EVC: variants seen among roughly 807,000 people sequenced by gnomAD.
The protein encoded by EVC is EvC ciliary complex subunit 1.
A neutral mutation model predicts 118.9 loss-of-function variants in EVC; 116 were observed. The observed-to-expected ratio is 0.98, with a 90% CI of 0.84 to 1.14. The LOEUF (loss-of-function observed/expected upper bound fraction) is 1.14. EVC is among the 50% of genes most tolerant of loss of function. The probability of loss-of-function intolerance (pLI) is 0.00; values close to 1 mark genes in which losing one functional copy is unlikely to be tolerated. For synonymous variants in EVC, 619 were observed against 534.7 expected (o/e 1.16, Z -2.18); for missense variants, 1,401 against 1,246.4 (o/e 1.12, Z -1.87).
chr4:5,778,058 A>G (rs1734984349), intron 11 of EVC, among the ~76,000 whole-genome samples: 1 of 141,806 alleles, frequency 7.1e-6, no homozygotes, highest in African/African-American at 2.7e-5. Context: ...CTCATTGTTC[A>G]TTTCCCACCT....
chr4:5,727,713 G>A (rs1304988147), intron 2 of EVC, among the ~76,000 whole-genome samples: 8 of 151,926 alleles, frequency 5.3e-5, no homozygotes, highest in East Asian at 3.9e-4. Context: ...TAGGTCTAAC[G>A]TTTAAGTCTT....
chr4:5,819,560 C>T, the EVC span, among the ~76,000 whole-genome samples: 1 of 152,172 alleles, frequency 6.6e-6, no homozygotes, highest in Non-Finnish European at 1.5e-5. Flanking sequence ...CAGTGGCTCC[C>T]ATGACCTGGG....
chr4:5,825,799 ACAC>A, the EVC span: 1 of 774,054 alleles, frequency 1.3e-6, no homozygotes, highest in Non-Finnish European at 2.1e-6. The surrounding 1 kb of genome is among the most constrained non-coding windows in gnomAD (Gnocchi z 4.4). Flanking sequence ...CAACACGCAC[ACAC>A]GACAGGTGCA....
rs769518492 is a variant in EVC, at chr4:5,789,810, C to A, written c.1777-3798C>A. ...TATCGATCATCATCGAATCCTGTTGCTAGTTTAAGCTGCATTCTCAAAACA... is the reference window on the plus strand; with the variant it reads ...TATCGATCATCATCGAATCCTGTTGATAGTTTAAGCTGCATTCTCAAAACA... On this transcript the variant is annotated intron_variant, in intron 12 of 20. Coordinates refer to ENST00000264956, the MANE Select transcript of EVC (RefSeq NM_153717.3). This position sits in a 1 kb window ranked among gnomAD's most constrained non-coding sequence, Gnocchi z 4.3. Among the ~76,000 whole-genome samples the A allele has an allele frequency of 6.6e-6, 1 of 152,174 alleles. No individual in the cohort carries two copies. Among genetic ancestry groups the A allele is most frequent in the Non-Finnish European group, 1.5e-5 (1 of 68,020 alleles).
At chr4:5,736,439 C>T (rs891941081) in intron 5 of EVC, among the ~76,000 whole-genome samples, 1 of 151,740 alleles carries the variant, frequency 6.6e-6, no homozygotes, top group African/African-American at 2.4e-5. Context: ...GGGAGGAGCA[C>T]ACAGCACTTT....
intron 8 of EVC, among the ~76,000 whole-genome samples, chr4:5,748,583 CCCAT>C (rs1282932713): frequency 1.2e-5 from 1 of 80,932 alleles, no homozygotes; most frequent in African/African-American, 5.4e-5. Flanking sequence ...CATCCATCCA[CCCAT>C]CCATCCATCC....
rs775840415 is a variant in EVC, at chr4:5,719,295, G to C, written c.222G>C (p.Gln74His). ...NLLKNLESNA[Q>H]TPSETGSPSR... ...TCAAGAATTTGGAGTCTAATGCGCA[G>C]ACCCCCTCGGAAACTGGCTCCCCAT... The change falls in exon 2 of 21, where the codon CAG becomes CAC. Residue 74 changes from glutamine (Q) to histidine (H), a missense_variant. Transcript: ENST00000264956. The surrounding 1 kb of genome is among the most constrained non-coding windows in gnomAD (Gnocchi z 4.7). The C allele has an allele frequency of 1.2e-6, 2 of 1,614,078 alleles. No individual in the cohort carries two copies. Among genetic ancestry groups the C allele is most frequent in the African/African-American group, 2.7e-5 (2 of 74,924 alleles).
intron 17 of EVC, among the ~76,000 whole-genome samples, chr4:5,807,447 T>C (rs1342372274): frequency 6.6e-6 from 1 of 152,218 alleles, no homozygotes; most frequent in Non-Finnish European, 1.5e-5. Flanking sequence ...AAGGTGGCCC[T>C]GACTTCAGGT....
chr4:5,776,158 C>T (rs1041546698), intron 11 of EVC, among the ~76,000 whole-genome samples: 2 of 151,822 alleles, frequency 1.3e-5, no homozygotes, highest in African/African-American at 4.8e-5. Flanking sequence ...TATTTTTCTC[C>T]TTTATTCTGT....
chr4:5,756,234 T>C lies in EVC; in HGVS notation c.1465-30T>C, dbSNP rs759005092. 8.6e-6 allele frequency: 13 copies of C among 1,519,722 alleles called. No individual in the cohort carries two copies. The highest frequency in any genetic ancestry group is 4.5e-5 in the East Asian group (2 of 44,100). 94.1% of individuals were successfully genotyped at this position (1,519,722 alleles called of 1,614,324 possible). On this transcript the variant is annotated intron_variant, in intron 10 of 20. Coordinates refer to ENST00000264956, the MANE Select transcript of EVC (RefSeq NM_153717.3). This position sits in a 1 kb window ranked among gnomAD's most constrained non-coding sequence, Gnocchi z 4.2. ...AAAAAAAAAAAACCCTGCATGTTTC[T>C]ACCAGACTCAGCTCTTGTTTTCCTC...
chr4:5,783,656 C>G lies in EVC; in HGVS notation c.1668C>G (p.Tyr556Ter), dbSNP rs765269619. Residue 556 changes from tyrosine (Y) to a stop codon, truncating the protein, a stop_gained, in exon 12 of 21, where the codon TAC (tyrosine) becomes TAG (stop). Coordinates refer to ENST00000264956, the MANE Select transcript of EVC (RefSeq NM_153717.3). LOFTEE classifies it high-confidence loss of function. ...MTGLPPEECD[Y>*]LRQEVQENAA... ...GCCTCCCCCCGGAAGAGTGTGACTA[C>G]TTGAGGCAGGAAGTCCAGGAGAACG... The G allele has an allele frequency of 1.9e-6, 3 of 1,614,162 alleles. No homozygotes were observed. The highest frequency in any genetic ancestry group is 2.5e-6 in the Non-Finnish European group (3 of 1,180,016).
Position 5,731,496 on chromosome 4 carries a change from G to C in EVC, c.456G>C (p.Pro152=), listed in dbSNP as rs776773987. ...AGCAGGCTGTTTTGCCACACCAGCC[G>C]GTAGAGGCCTCTCCTTCCAGCAGTC... ...NLKQAVLPHQ[P]VEASPSSSLG... The change falls in exon 4 of 21, where the codon CCG becomes CCC. Residue 152 remains proline, a synonymous_variant. Transcript: ENST00000264956. The surrounding 1 kb of genome is among the most constrained non-coding windows in gnomAD (Gnocchi z 5.6). 1 of 1,614,084 alleles carries C rather than the reference G, an allele frequency of 6.2e-7. No individual in the cohort carries two copies. Among genetic ancestry groups the C allele is most frequent in the Admixed American group, 1.7e-5 (1 of 60,010 alleles).
intron 11 of EVC, among the ~76,000 whole-genome samples, chr4:5,768,517 C>T (rs902062449): frequency 2.0e-5 from 3 of 152,030 alleles, no homozygotes; most frequent in Admixed American, 6.5e-5. Flanking sequence ...AATAATCTCA[C>T]GTGGGTAAAG....
intron 16 of EVC, among the ~76,000 whole-genome samples, chr4:5,804,206 G>A (rs1038578075): frequency 1.3e-5 from 2 of 152,110 alleles, no homozygotes; most frequent in African/African-American, 4.8e-5. Context: ...CCAAAGTGCT[G>A]GGATTACAAG....
At chr4:5,718,701 G>A (rs1724400306) in intron 1 of EVC, among the ~76,000 whole-genome samples, 1 of 152,048 alleles carries the variant, frequency 6.6e-6, no homozygotes, top group South Asian at 2.1e-4. Flanking sequence ...TGGTTTGGGG[G>A]TTCTAAATAA....
intron 11 of EVC, among the ~76,000 whole-genome samples, chr4:5,761,335 C>G (rs544898005): frequency 1.3e-5 from 2 of 152,132 alleles, no homozygotes; most frequent in African/African-American, 4.8e-5. Context: ...GTGTGAATCT[C>G]AACCACCAAA....
chr4:5,720,710 G>A lies in EVC; in HGVS notation c.300+1337G>A, dbSNP rs75207207. On this transcript the variant is annotated intron_variant, in intron 2 of 20. Coordinates refer to ENST00000264956, the MANE Select transcript of EVC (RefSeq NM_153717.3). ...CCTGCCCTTGGCCAACGTGGACGGG[G>A]GGAGAGATGGGGAAGCCTCTGCTGC... 9.5e-3 allele frequency among the ~76,000 whole-genome samples: 1,444 copies of A among 152,316 alleles called. 23 individuals carry two copies. Among genetic ancestry groups the A allele is most frequent in the African/African-American group, 0.032 (1,331 of 41,564 alleles).
chr4:5,734,153 TTATTCAGGCATCAAGA>T (rs1204253950), intron 5 of EVC, among the ~76,000 whole-genome samples: 1 of 152,132 alleles, frequency 6.6e-6, no homozygotes, highest in Non-Finnish European at 1.5e-5. Context: ...CCCGGTGGGT[TTATTCAGGCATCAAGA>T]TGACGGGGGT....
At chr4:5,827,609 T>TAC in the EVC span, among the ~76,000 whole-genome samples, 1 of 151,702 alleles carries the variant, frequency 6.6e-6, no homozygotes, top group Admixed American at 6.6e-5. Context: ...CATGCTCGCA[T>TAC]ACACACACGC....
Sources: gnomAD v4.1 joint callset for allele counts (sites outside exome capture counted in the v4.1 genomes callset) on GRCh38, gnomAD v4.1.1 for gene constraint, Gnocchi (gnomAD v3.1) non-coding constraint, MANE v1.5 for transcripts, NCBI Gene and HGNC (gene_info 2026-07-23, HGNC 2026-07-21) for gene names.